Variants in EXOC6 observed in about 807,000 individuals in gnomAD.
EXOC6 encodes the protein SEC15-like 1.
A neutral mutation model predicts 112.5 loss-of-function variants in EXOC6; 60 were observed. That is an observed-to-expected ratio of 0.53 (90% confidence interval 0.43 to 0.66). The LOEUF is 0.66. EXOC6 is among the 30% of genes least tolerant of loss of function. The pLI is 0.00. For synonymous variants in EXOC6, 295 were observed against 308.0 expected (o/e 0.96, Z 0.44); for missense variants, 855 against 957.1 (o/e 0.89, Z 1.41).
intron 17 of EXOC6, among the ~76,000 whole-genome samples, chr10:92,971,245 C>T (rs1027024621): frequency 6.6e-6 from 1 of 152,052 alleles, no homozygotes; most frequent in Non-Finnish European, 1.5e-5. Context: ...AAGGTTTCAC[C>T]ATGTTAGCCA....
At chr10:92,903,094 C>T (rs1005721928) in intron 5 of EXOC6, among the ~76,000 whole-genome samples, 5 of 151,984 alleles carry the variant, frequency 3.3e-5, no homozygotes, top group African/African-American at 7.2e-5. Flanking sequence ...ATGAATGCTA[C>T]ACTTTTTAAG....
intron 1 of EXOC6, among the ~76,000 whole-genome samples, chr10:92,882,789 C>CT (rs1418938826): frequency 6.6e-6 from 1 of 152,152 alleles, no homozygotes; most frequent in Non-Finnish European, 1.5e-5. Flanking sequence ...ACTTCAGACT[C>CT]TAACTTCAGG....
chr10:92,917,706 A>AT (rs1412297531), intron 7 of EXOC6, among the ~76,000 whole-genome samples: 1 of 151,330 alleles, frequency 6.6e-6, no homozygotes, highest in Non-Finnish European at 1.5e-5. Context: ...AAAAAAAAAA[A>AT]TTTCTTATAG....
chr10:92,899,634 A>C lies in EXOC6; in HGVS notation c.448A>C (p.Ser150Arg). ...EMYSKLKEQM[S>R]AKRYYSALKT... is the part of the protein sequence containing the mutation. ...GTACAGTAAGCTGAAAGAACAGATG[A>C]GTGCCAAAAGGTGAGTTGGTTTTTT... The change falls in exon 5 of 22, where the codon AGT becomes CGT. Residue 150 changes from serine to arginine, a missense_variant. Coordinates refer to ENST00000260762, the MANE Select transcript of EXOC6 (RefSeq NM_019053.6). The C allele has an allele frequency of 6.2e-7, 1 of 1,609,138 alleles. No homozygotes were observed.
rs535985845 is a variant in EXOC6, at chr10:92,928,516, A to G, written c.972+94A>G. ...CAAAGCATGTATCACTGTTCATTCA[A>G]CTACAAATATTTATTGAACACCTAC... On this transcript the variant is annotated intron_variant, in intron 9 of 21. Transcript: ENST00000260762. 1.5e-5 allele frequency: 11 copies of G among 722,574 alleles called. No homozygotes were observed. In the African/African-American group the frequency reaches 1.6e-4, roughly 11 times the overall value. 44.8% of individuals were successfully genotyped at this position (722,574 alleles called of 1,614,324 possible). A position where few individuals can be genotyped will look rare whatever the true frequency, so the allele number is the denominator to read the frequency against.
chr10:93,012,971 G>A (rs1352538965), intron 19 of EXOC6, among the ~76,000 whole-genome samples: 2 of 151,774 alleles, frequency 1.3e-5, no homozygotes, highest in Non-Finnish European at 2.9e-5. Flanking sequence ...CCAGGAGTTC[G>A]AGGTTGCAGT....
At chr10:93,008,479 A>G (rs1186959205) in intron 19 of EXOC6, among the ~76,000 whole-genome samples, 1 of 152,220 alleles carries the variant, frequency 6.6e-6, no homozygotes, top group Non-Finnish European at 1.5e-5. Context: ...TGTTTTTAAA[A>G]TTTTAAAGAT....
chr10:92,858,070 T>C (rs999065908), intron 1 of EXOC6, among the ~76,000 whole-genome samples: 1 of 140,862 alleles, frequency 7.1e-6, no homozygotes, highest in Non-Finnish European at 1.5e-5. Context: ...CCACTGCCTC[T>C]GGGCTTCATT....
chr10:93,039,946 C>T lies in EXOC6; in HGVS notation c.2170-16978C>T, dbSNP rs76938869. Among the ~76,000 whole-genome samples the T allele has an allele frequency of 6.6e-3, 999 of 152,298 alleles. 11 individuals carry two copies. Among genetic ancestry groups the T allele is most frequent in the African/African-American group, 0.023 (935 of 41,552 alleles). ...CAGGATGCATTCTTTCATGGCTACA[C>T]GTGTGAATGAGATTCGTGTTCCCCT... On this transcript the variant is annotated intron_variant, in intron 20 of 21. Transcript: ENST00000260762.
At chr10:93,006,905 G>A (rs1311153159) in intron 19 of EXOC6, among the ~76,000 whole-genome samples, 2 of 152,040 alleles carry the variant, frequency 1.3e-5, no homozygotes, top group Non-Finnish European at 2.9e-5. Context: ...TAAAACTTTA[G>A]CTTAGCCTCC....
intron 7 of EXOC6, among the ~76,000 whole-genome samples, chr10:92,917,922 G>C (rs1288222593): frequency 6.6e-6 from 1 of 152,130 alleles, no homozygotes; most frequent in African/African-American, 2.4e-5. Context: ...GAGGCCGAGG[G>C]GGGCAGATTG....
intron 19 of EXOC6, among the ~76,000 whole-genome samples, chr10:93,002,299 G>A (rs1409385): frequency 0.32 from 49,023 of 151,960 alleles, 9,170 homozygotes; most frequent in East Asian, 0.9. Context: ...AATATCTGTG[G>A]ATTTGTAATC....
intron 15 of EXOC6, 133 bp from the exon 16 acceptor site, chr10:92,954,497 C>A: frequency 2.0e-6 from 1 of 495,284 alleles, no homozygotes; most frequent in Non-Finnish European, 3.5e-6. Flanking sequence ...AAATATGGGT[C>A]TTTGTAGTTT....
intron 12 of EXOC6, among the ~76,000 whole-genome samples, chr10:92,936,869 G>A (rs1282408098): frequency 2.0e-5 from 3 of 151,852 alleles, no homozygotes; most frequent in Admixed American, 2.0e-4. Flanking sequence ...TAACCTCTGC[G>A]ATATTGGGAG....
intron 18 of EXOC6, among the ~76,000 whole-genome samples, chr10:92,991,126 C>CTT (rs34279554): frequency 3.4e-5 from 5 of 145,078 alleles, no homozygotes; most frequent in African/African-American, 2.5e-5. Flanking sequence ...ATTCTGGCAA[C>CTT]TTTTTTTTTT....
At chr10:92,893,592 G>A in intron 2 of EXOC6, 72 bp downstream of exon 2, 1 of 1,237,924 alleles carries the variant, frequency 8.1e-7, no homozygotes, top group South Asian at 1.5e-5. Flanking sequence ...TAGTACATAT[G>A]TACAAGTCAT....
intron 9 of EXOC6, among the ~76,000 whole-genome samples, chr10:92,931,804 A>G (rs190852882): frequency 5.3e-5 from 8 of 152,180 alleles, no homozygotes; most frequent in African/African-American, 1.9e-4. Flanking sequence ...GCTGGTGAGG[A>G]TGTGAATCAA....
chr10:92,851,556 A>G (rs1197666292), intron 1 of EXOC6, among the ~76,000 whole-genome samples: 1 of 152,074 alleles, frequency 6.6e-6, no homozygotes. Flanking sequence ...AGGCTGAGGC[A>G]GGAGAATCGC....
intron 15 of EXOC6, 56 bp downstream of exon 15, chr10:92,952,438 C>A: frequency 9.1e-7 from 1 of 1,100,878 alleles, no homozygotes; most frequent in Non-Finnish European, 1.4e-6. Flanking sequence ...AACATTAATA[C>A]TTTATTTTTA....
Sources: gnomAD v4.1 joint callset for allele counts (sites outside exome capture counted in the v4.1 genomes callset) on GRCh38, gnomAD v4.1.1 for gene constraint, MANE v1.5 for transcripts, NCBI Gene and HGNC (gene_info 2026-07-23, HGNC 2026-07-21) for gene names.